GLIPR2: variants seen among roughly 807,000 people sequenced by gnomAD.
The protein encoded by GLIPR2 is GLI pathogenesis related 2.
A neutral mutation model predicts 20.4 loss-of-function variants in GLIPR2; 21 were observed. The observed-to-expected ratio is 1.03, with a 90% CI of 0.73 to 1.48. GLIPR2 has a LOEUF of 1.48. GLIPR2 is among the 40% of genes most tolerant of loss of function. The probability of loss-of-function intolerance (pLI) is 0.00; values close to 1 mark genes in which losing one functional copy is unlikely to be tolerated. For synonymous variants in GLIPR2, 91 were observed against 80.5 expected, an observed-to-expected ratio of 1.13 and a Z score of -0.70; for missense variants, 205 against 200.1, an observed-to-expected ratio of 1.02 and a Z score of -0.15.
intron 1 of GLIPR2, among the ~76,000 whole-genome samples, chr9:36,147,179 C>T (rs1209385847): frequency 6.6e-6 from 1 of 152,184 alleles, no homozygotes; most frequent in Non-Finnish European, 1.5e-5. Flanking sequence ...CTCGCCCTCA[C>T]ACTCTGCTTC....
chr9:36,149,219 C>G (rs905914479), intron 3 of GLIPR2, among the ~76,000 whole-genome samples: 4 of 152,232 alleles, frequency 2.6e-5, no homozygotes, highest in African/African-American at 9.6e-5. Flanking sequence ...TCTTGAGCTT[C>G]CTGGCCCTCT....
In GLIPR2 at chr9:36,156,983, G is replaced by A. The variant is rs562745002; in HGVS notation, c.305-5379G>A. Among the ~76,000 whole-genome samples the A allele has an allele frequency of 7.9e-5, 12 of 152,088 alleles. No homozygotes were observed. The South Asian group carries it at 8.3e-4, about 11-fold the overall frequency. On this transcript the variant is annotated intron_variant, in intron 4 of 4. Transcript: ENST00000377960. ...TCAAGGTTTACCCTTATTAGAGCAC[G>A]TGTCAGAATTCCTTTTTATTTTAAT... is the stretch of plus-strand genomic sequence containing the variant.
intron 4 of GLIPR2, 22 bp from the exon 5 acceptor site, chr9:36,162,340 C>T (rs41277093): frequency 3.5e-5 from 56 of 1,604,904 alleles, no homozygotes; most frequent in Non-Finnish European, 4.6e-5. Context: ...GTGTCCCTCT[C>T]CCTCTGCCCG....
At chr9:36,150,729 G>A (rs1331211673) in intron 3 of GLIPR2, 143 bp from the exon 4 acceptor site, 8 of 637,718 alleles carry the variant, frequency 1.3e-5, no homozygotes, top group African/African-American at 7.3e-5. Flanking sequence ...GCAAAGCAGC[G>A]TCCAGGATGT....
At chr9:36,148,484 G>T in intron 2 of GLIPR2, 63 bp from the exon 3 acceptor site, 1 of 1,203,232 alleles carries the variant, frequency 8.3e-7, no homozygotes, top group Non-Finnish European at 1.2e-6. Flanking sequence ...ACTAGCTTGG[G>T]GCACATACTT....
rs184874541 is a variant in GLIPR2 at position 36,153,110 on chromosome 9, G to A, written c.304+2161G>A. ...CCACTCCAGCCTGGGCAACAAGGGC[G>A]AGACTCTGTCTCAAAAAAAAAAAAA... On this transcript the variant is annotated intron_variant, in intron 4 of 4. Transcript: ENST00000377960. Among the ~76,000 whole-genome samples, 1,004 of 141,516 alleles carry A rather than the reference G, an allele frequency of 7.1e-3. 18 individuals are homozygous for A. The highest frequency in any genetic ancestry group is 0.026 in the African/African-American group (963 of 37,688). The allele number at this position is 141,516 out of a possible 152,430, so 92.8% of individuals were successfully genotyped here. A position where few individuals can be genotyped will look rare whatever the true frequency, so the allele number is the denominator to read the frequency against.
intron 4 of GLIPR2, among the ~76,000 whole-genome samples, chr9:36,155,777 T>G (rs1192321175): frequency 1.3e-5 from 2 of 152,106 alleles, no homozygotes; most frequent in African/African-American, 4.8e-5. Context: ...CTTTTTTTAA[T>G]TTTTTAGTAA....
chr9:36,156,697 C>A (rs1825848761), intron 4 of GLIPR2, among the ~76,000 whole-genome samples: 1 of 152,186 alleles, frequency 6.6e-6, no homozygotes, highest in Non-Finnish European at 1.5e-5. Flanking sequence ...CGCCTCCTGT[C>A]AGATCAGCAG....
intron 4 of GLIPR2, among the ~76,000 whole-genome samples, chr9:36,151,328 C>A (rs953870465): frequency 1.3e-5 from 2 of 152,128 alleles, no homozygotes; most frequent in Non-Finnish European, 2.9e-5. Flanking sequence ...TCTCCAGCAG[C>A]CTCAATACTT....
rs567476723 is a variant in GLIPR2 at position 36,157,683 on chromosome 9, AAC to A, written c.305-4649_305-4648del. 8.4e-3 allele frequency among the ~76,000 whole-genome samples: 1,232 copies of A among 145,978 alleles called. 16 individuals are homozygous for A. Among genetic ancestry groups the A allele is most frequent in the African/African-American group, 0.024 (961 of 39,758 alleles). On this transcript the variant is annotated intron_variant, in intron 4 of 4. Coordinates refer to ENST00000377960, the MANE Select transcript of GLIPR2 (RefSeq NM_022343.4). The stretch of plus-strand genomic sequence containing the variant: ...TTTTAAAGCTGAATAATATCTGTTA[AAC>A]ACACACACACACACACACACACACA...
Position 36,150,740 on chromosome 9 carries a change from G to A in GLIPR2, c.227-132G>A, listed in dbSNP as rs1024436195. On this transcript the variant is annotated intron_variant, in intron 3 of 4. Coordinates refer to ENST00000377960, the MANE Select transcript of GLIPR2 (RefSeq NM_022343.4). The stretch of plus-strand genomic sequence containing the variant: ...GTCTGCAAAGCAGCGTCCAGGATGT[G>A]TCAGCTGACTGGGGCTTTCTCAGAT... 4.7e-5 allele frequency: 31 copies of A among 662,108 alleles called. 1 individual carries two copies. Among genetic ancestry groups the A allele is most frequent in the Middle Eastern group, 7.3e-4 (2 of 2,754 alleles). The allele number at this position is 662,108 out of a possible 1,614,324, so 41.0% of individuals were successfully genotyped here. A position where few individuals can be genotyped will look rare whatever the true frequency, so the allele number is the denominator to read the frequency against.
intron 4 of GLIPR2, among the ~76,000 whole-genome samples, chr9:36,151,715 G>A (rs1825595220): frequency 6.6e-6 from 1 of 152,118 alleles, no homozygotes. Context: ...CTTGACGAAA[G>A]CTCCGGGTGG....
chr9:36,150,894 G>C lies in GLIPR2; in HGVS notation c.249G>C (p.Trp83Cys). ...CAGGAAAGGAGGTGGCTGATAGATG[G>C]TACAGTGAAATCAAGAACTATAACT... is the stretch of plus-strand genomic sequence containing the variant. Reference protein sequence around the residue: ...DQTGKEVADRWYSEIKNYNFQ... With the variant: ...DQTGKEVADRCYSEIKNYNFQ... The change falls in exon 4 of 5, where the codon TGG (tryptophan) becomes TGC (cysteine). Residue 83 changes from tryptophan to cysteine, a missense_variant. Physicochemically the swap from Trp to Cys is radical, Grantham distance 215. Transcript: ENST00000377960. The C allele has an allele frequency of 6.2e-7, 1 of 1,613,704 alleles. No homozygotes were observed. The highest frequency in any genetic ancestry group is 8.5e-7 in the Non-Finnish European group (1 of 1,179,682).
intron 4 of GLIPR2, among the ~76,000 whole-genome samples, chr9:36,159,063 TC>T (rs1361188062): frequency 2.0e-5 from 3 of 151,234 alleles, no homozygotes; most frequent in Admixed American, 2.0e-4. Flanking sequence ...AGACTCTGTC[TC>T]AAAAAAAAAA....
chr9:36,154,073 ATATTATATAT>A (rs1424669569), intron 4 of GLIPR2, among the ~76,000 whole-genome samples: 28 of 127,008 alleles, frequency 2.2e-4, no homozygotes, highest in African/African-American at 8.3e-4. Flanking sequence ...TATATATTAT[ATATTATATAT>A]TATATATATA....
At position 36,154,016 on chromosome 9, in the gene GLIPR2, C is replaced by T. The variant is rs559979365; in HGVS notation, c.304+3067C>T. Among the ~76,000 whole-genome samples, 301 of 150,964 alleles carry T rather than the reference C, an allele frequency of 2.0e-3. 2 individuals carry two copies. The highest frequency in any genetic ancestry group is 5.6e-3 in the African/African-American group (232 of 41,112). On this transcript the variant is annotated intron_variant, in intron 4 of 4. Coordinates refer to ENST00000377960, the MANE Select transcript of GLIPR2 (RefSeq NM_022343.4). Reference sequence around the variant, plus strand: ...GTGATGAAGGATGCTGGTCAGTCACCGCTGTGTGCTGAGTGAAGAGAAACA... The same window carrying T: ...GTGATGAAGGATGCTGGTCAGTCACTGCTGTGTGCTGAGTGAAGAGAAACA...
In GLIPR2 at chr9:36,152,603, A is replaced by T. The variant is rs1408749227; in HGVS notation, c.304+1654A>T. Among the ~76,000 whole-genome samples, 6 of 151,522 alleles carry T rather than the reference A, an allele frequency of 4.0e-5. No individual in the cohort carries two copies. The East Asian group carries it at 9.7e-4, about 25-fold the overall frequency. On this transcript the variant is annotated intron_variant, in intron 4 of 4. Coordinates refer to ENST00000377960, the MANE Select transcript of GLIPR2 (RefSeq NM_022343.4). The stretch of plus-strand genomic sequence containing the variant: ...CGTCTCTACTAAAAATACAAAAATT[A>T]GCTGGGCATGATGGTGCATGCCTGT...
intron 4 of GLIPR2, among the ~76,000 whole-genome samples, chr9:36,162,003 T>C (rs1826073772): frequency 6.6e-6 from 1 of 152,096 alleles, no homozygotes; most frequent in Non-Finnish European, 1.5e-5. Context: ...TGAAACCTCA[T>C]CTCTACTAAA....
At chr9:36,138,572 T>G (rs1303627032) in intron 1 of GLIPR2, among the ~76,000 whole-genome samples, 1 of 152,176 alleles carries the variant, frequency 6.6e-6, no homozygotes, top group East Asian at 1.9e-4. Flanking sequence ...TTTCCAGAAC[T>G]GCTCATATTC....
Sources: allele counts gnomAD v4.1 joint callset (sites outside exome capture counted in the v4.1 genomes callset), GRCh38; gene constraint gnomAD v4.1.1; transcripts MANE v1.5; gene names NCBI Gene and HGNC (gene_info 2026-07-23, HGNC 2026-07-21).